The following FILIP1 variants were observed in gnomAD, a reference collection of about 807,000 sequenced individuals.
FILIP1 encodes filamin A interacting protein 1, also known as filamin-A-interacting protein 1.
In FILIP1, 61 loss-of-function variants were observed where a neutral mutation model predicts 102.1. That is an observed-to-expected ratio of 0.60 (90% CI 0.49 to 0.74). The LOEUF (loss-of-function observed/expected upper bound fraction) is 0.74, where lower values mean the gene tolerates loss of function less well. Among genes scored for constraint, FILIP1 ranks in the 30% least tolerant of loss-of-function variants. FILIP1 has a pLI of 0.00. For synonymous variants in FILIP1, 491 were observed against 526.9 expected (o/e 0.93, Z 0.93); for missense variants, 1,314 against 1,441.2 (o/e 0.91, Z 1.43).
chr6:75,361,512 T>A (rs1323358825), intron 3 of FILIP1, among the ~76,000 whole-genome samples: 2 of 152,254 alleles, frequency 1.3e-5, no homozygotes, highest in Non-Finnish European at 1.5e-5. Context: ...CTGTGTCTTT[T>A]ACTCCTCAAA....
At chr6:75,473,334 T>C (rs1779384542) in intron 1 of FILIP1, among the ~76,000 whole-genome samples, 1 of 152,210 alleles carries the variant, frequency 6.6e-6, no homozygotes, top group Admixed American at 6.5e-5. Flanking sequence ...TACTTCACTA[T>C]ATAAGACATT....
rs946834734 is a variant in FILIP1, at chr6:75,393,168, C to T, written c.276+21529G>A. Among the ~76,000 whole-genome samples, 9 of 152,102 alleles carry T rather than the reference C, an allele frequency of 5.9e-5. No individual in the cohort carries two copies. In the South Asian group the frequency reaches 6.2e-4, roughly 11 times the overall value. ...GAACTGCTGATGAAGGAAAGGATTC[C>T]TCCACTTTCTCTGTTTAACCCAATC... On this transcript the variant is annotated intron_variant, in intron 2 of 5. Coordinates refer to ENST00000237172, the MANE Select transcript of FILIP1 (RefSeq NM_015687.5).
intron 1 of FILIP1, among the ~76,000 whole-genome samples, chr6:75,491,272 A>T (rs1440516483): frequency 6.6e-6 from 1 of 152,072 alleles, no homozygotes; most frequent in African/African-American, 2.4e-5. Flanking sequence ...TTCACTGAGT[A>T]TGTGTTTGGA....
At chr6:75,342,303 A>G (rs1774440298) in intron 4 of FILIP1, among the ~76,000 whole-genome samples, 1 of 152,250 alleles carries the variant, frequency 6.6e-6, no homozygotes, top group African/African-American at 2.4e-5. Context: ...GATATTTGGA[A>G]GCACATCATA....
chr6:75,322,037 C>T (rs1409517938), intron 4 of FILIP1, among the ~76,000 whole-genome samples: 1 of 152,158 alleles, frequency 6.6e-6, no homozygotes, highest in African/African-American at 2.4e-5. Context: ...AAGGCAGGAA[C>T]AGGCTTGTGT....
chr6:75,420,652 T>C (rs1777430396), intron 1 of FILIP1, among the ~76,000 whole-genome samples: 1 of 152,308 alleles, frequency 6.6e-6, no homozygotes, highest in South Asian at 2.1e-4. Context: ...TTTATTTTTA[T>C]ATCTTCACTC....
At chr6:75,355,261 C>T (rs1472937315) in intron 3 of FILIP1, among the ~76,000 whole-genome samples, 1 of 151,992 alleles carries the variant, frequency 6.6e-6, no homozygotes, top group Non-Finnish European at 1.5e-5. Context: ...CACCACTGCA[C>T]TACAGCCTGG....
intron 4 of FILIP1, among the ~76,000 whole-genome samples, chr6:75,344,109 T>C (rs984513605): frequency 6.6e-6 from 1 of 152,218 alleles, no homozygotes; most frequent in Non-Finnish European, 1.5e-5. Context: ...ACCCCAGCTA[T>C]GATGTGGTTT....
chr6:75,414,865 T>G lies in FILIP1; in HGVS notation c.108A>C (p.Ala36=). The part of the protein sequence containing the change: ...NAGEKSLSED[A]KKKKKSNRKE... ...TCCTATTTGATTTCTTCTTCTTTTTTGCATCTTCTGAGAGACTTTTTTCAC... is the reference window on the plus strand; with the variant it reads ...TCCTATTTGATTTCTTCTTCTTTTTGGCATCTTCTGAGAGACTTTTTTCAC... The change falls in exon 2 of 6, where the codon GCA becomes GCC. Residue 36 remains alanine (A), a synonymous_variant. Transcript: ENST00000237172. The G allele has an allele frequency of 6.2e-7, 1 of 1,613,998 alleles. No homozygotes were observed. Among genetic ancestry groups the G allele is most frequent in the African/African-American group, 1.3e-5 (1 of 75,030 alleles).
intron 5 of FILIP1, 97 bp downstream of exon 5, chr6:75,312,300 A>T: frequency 8.5e-7 from 1 of 1,182,774 alleles, no homozygotes; most frequent in Non-Finnish European, 1.2e-6. Context: ...GTAGCATGAG[A>T]AGCATGTGGC....
At chr6:75,466,374 T>C (rs964247728) in intron 1 of FILIP1, among the ~76,000 whole-genome samples, 1 of 152,178 alleles carries the variant, frequency 6.6e-6, no homozygotes, top group Non-Finnish European at 1.5e-5. Context: ...ACCTGGCAAG[T>C]GGTAGGCATT....
intron 2 of FILIP1, among the ~76,000 whole-genome samples, chr6:75,404,951 G>C (rs756843975): frequency 2.0e-5 from 3 of 152,110 alleles, no homozygotes; most frequent in Non-Finnish European, 4.4e-5. Context: ...ACACAGTAAA[G>C]TGTCTTTCCC....
intron 2 of FILIP1, among the ~76,000 whole-genome samples, chr6:75,408,371 G>C (rs1051572694): frequency 2.0e-5 from 3 of 152,196 alleles, no homozygotes; most frequent in Non-Finnish European, 4.4e-5. Context: ...AAAATCTCTA[G>C]TAGATGCAAC....
intron 1 of FILIP1, among the ~76,000 whole-genome samples, chr6:75,423,076 G>T (rs1422624860): frequency 6.6e-6 from 1 of 152,126 alleles, no homozygotes; most frequent in Non-Finnish European, 1.5e-5. Context: ...TGAAGAAAAG[G>T]AGCACAGTGG....
At chr6:75,435,906 G>C (rs544096857) in intron 1 of FILIP1, among the ~76,000 whole-genome samples, 49 of 152,270 alleles carry the variant, frequency 3.2e-4, no homozygotes, top group Admixed American at 5.2e-4. Context: ...TAATTACTCA[G>C]AAGAGTGAAG....
intron 1 of FILIP1, among the ~76,000 whole-genome samples, chr6:75,473,091 T>A (rs544242317): frequency 6.6e-6 from 1 of 152,176 alleles, no homozygotes; most frequent in Admixed American, 6.6e-5. Context: ...AGTGTGCATA[T>A]GAAACCAGGT....
chr6:75,479,550 T>C (rs962676267), intron 1 of FILIP1, among the ~76,000 whole-genome samples: 1 of 152,200 alleles, frequency 6.6e-6, no homozygotes, highest in Non-Finnish European at 1.5e-5. Flanking sequence ...AATTTTTCTA[T>C]TGTGTCTCTT....
Position 75,312,740 on chromosome 6 carries a change from G to A in FILIP1, c.3092C>T (p.Pro1031Leu). 1 of 1,614,164 alleles carries A rather than the reference G, an allele frequency of 6.2e-7. No homozygotes were observed. Among genetic ancestry groups the A allele is most frequent in the Non-Finnish European group, 8.5e-7 (1 of 1,180,044 alleles). Reference protein sequence around the residue: ...IAVSPESQEMPMGRTILKVTP... With the variant: ...IAVSPESQEMLMGRTILKVTP... ...GACTTTGAGGATTGTCCGTCCCATGGGCATTTCCTGGGATTCGGGAGAAAC... is the reference window on the plus strand; with the variant it reads ...GACTTTGAGGATTGTCCGTCCCATGAGCATTTCCTGGGATTCGGGAGAAAC... The change falls in exon 5 of 6, where the codon CCC becomes CTC. Residue 1031 changes from proline to leucine, a missense_variant. Pro to Leu is a moderately conservative substitution (Grantham distance 98). Around this residue, in one of 3 missense-constraint regions of FILIP1, gnomAD observed 816 missense variants for 913.1 expected, o/e 0.89. Coordinates refer to ENST00000237172, the MANE Select transcript of FILIP1 (RefSeq NM_015687.5).
At chr6:75,352,389 G>C (rs532635355) in intron 4 of FILIP1, among the ~76,000 whole-genome samples, 8 of 152,106 alleles carry the variant, frequency 5.3e-5, no homozygotes, top group Non-Finnish European at 7.4e-5. Flanking sequence ...TTCAGCCTAG[G>C]GAAGAGAAGG....
Sources: gnomAD v4.1 joint callset for allele counts (sites outside exome capture counted in the v4.1 genomes callset) on GRCh38, gnomAD v4.1.1 for gene constraint, gnomAD v4.1.1 regional missense constraint, MANE v1.5 for transcripts, NCBI Gene and HGNC (gene_info 2026-07-23, HGNC 2026-07-21) for gene names.